The following DCDC1 variants were observed in gnomAD, a reference collection of about 807,000 sequenced individuals.
DCDC1 encodes doublecortin domain containing 1.
Under a neutral mutation model 178.3 loss-of-function variants are expected in DCDC1, and 200 were observed. The ratio of observed to expected loss-of-function variants is 1.12; its 90% CI spans 1.00 to 1.26. The LOEUF (loss-of-function observed/expected upper bound fraction) is 1.26. Ranked by LOEUF, DCDC1 falls within the 50% of genes most tolerant of loss-of-function variation. The pLI, the probability that DCDC1 is intolerant of heterozygous loss-of-function variation, is 0.00. For missense variants in DCDC1, 1,983 were observed against 1,749.2 expected, an observed-to-expected ratio of 1.13 and a Z score of -2.38; for synonymous variants, 690 against 604.8, an observed-to-expected ratio of 1.14 and a Z score of -2.07.
At chr11:30,889,138 C>T (rs746174930) in intron 36 of DCDC1, among the ~76,000 whole-genome samples, 6 of 152,170 alleles carry the variant, frequency 3.9e-5, no homozygotes, top group Non-Finnish European at 7.4e-5. Context: ...AGAAGACAAA[C>T]GCTTCAGGAC....
intron 9 of DCDC1, among the ~76,000 whole-genome samples, chr11:31,139,169 T>G (rs1384871245): frequency 6.6e-6 from 1 of 151,902 alleles, no homozygotes; most frequent in African/African-American, 2.4e-5. Context: ...AATGGCAGAG[T>G]CATGTATATA....
chr11:30,980,310 G>A (rs1379219351), intron 20 of DCDC1, among the ~76,000 whole-genome samples: 1 of 152,216 alleles, frequency 6.6e-6, no homozygotes, highest in Non-Finnish European at 1.5e-5. Context: ...TGAAACCAAA[G>A]GGAGTGCCCA....
At chr11:30,995,611 T>G (rs540391542) in intron 20 of DCDC1, among the ~76,000 whole-genome samples, 1 of 152,180 alleles carries the variant, frequency 6.6e-6, no homozygotes, top group African/African-American at 2.4e-5. Context: ...CACAGAAACA[T>G]AGTCAACTGA....
intron 20 of DCDC1, among the ~76,000 whole-genome samples, chr11:31,047,181 CA>C (rs969697699): frequency 6.7e-6 from 1 of 149,818 alleles, no homozygotes; most frequent in Admixed American, 6.6e-5. Context: ...TTTATAAAAG[CA>C]AAAAAAAATT....
intron 17 of DCDC1, among the ~76,000 whole-genome samples, chr11:31,082,044 A>T (rs1463387393): frequency 6.6e-6 from 1 of 152,228 alleles, no homozygotes; most frequent in East Asian, 1.9e-4. Flanking sequence ...AGAGAATGAT[A>T]TCATAGACTC....
In DCDC1 at chr11:30,934,587, G is replaced by A. The variant is rs1025807730; in HGVS notation, c.2716-2635C>T. Among the ~76,000 whole-genome samples the A allele has an allele frequency of 7.2e-5, 11 of 152,174 alleles. No individual in the cohort carries two copies. The South Asian group carries it at 1.7e-3, about 23-fold the overall frequency. On this transcript the variant is annotated intron_variant, in intron 21 of 38. Transcript: ENST00000684477. ...GTTCATATTCCCTACAGAGAATGAA[G>A]GGATTGCTCTGGGATCCGACCTCTG... is the stretch of plus-strand genomic sequence containing the variant.
intron 20 of DCDC1, among the ~76,000 whole-genome samples, chr11:31,030,566 A>G (rs899127458): frequency 2.0e-5 from 3 of 152,156 alleles, no homozygotes; most frequent in Non-Finnish European, 2.9e-5. Flanking sequence ...AATGCCACTG[A>G]GCATGGTACA....
At chr11:31,068,480 T>A (rs1235981547) in intron 18 of DCDC1, among the ~76,000 whole-genome samples, 1 of 152,146 alleles carries the variant, frequency 6.6e-6, no homozygotes, top group Non-Finnish European at 1.5e-5. Context: ...ATAGCATAGA[T>A]GTGGATGTCA....
chr11:31,165,392 G>A (rs538671371), intron 9 of DCDC1, among the ~76,000 whole-genome samples: 2 of 151,970 alleles, frequency 1.3e-5, no homozygotes, highest in Non-Finnish European at 2.9e-5. Flanking sequence ...GTGCAGTGGC[G>A]TGATCACAGC....
At chr11:30,866,272 C>A (rs561074543) in intron 38 of DCDC1, among the ~76,000 whole-genome samples, 2 of 152,086 alleles carry the variant, frequency 1.3e-5, no homozygotes, top group African/African-American at 4.8e-5. Flanking sequence ...AGAAAAAATA[C>A]AAATTTATTT....
At chr11:31,341,812 T>TACACAC (rs34730979) in intron 1 of DCDC1, among the ~76,000 whole-genome samples, 33,381 of 144,314 alleles carry the variant, frequency 0.23, 3,967 homozygotes, top group African/African-American at 0.27. Flanking sequence ...TGCATGACTA[T>TACACAC]ACACACACAC....
intron 7 of DCDC1, among the ~76,000 whole-genome samples, chr11:31,279,818 T>C (rs933724867): frequency 4.6e-5 from 7 of 152,070 alleles, no homozygotes; most frequent in Non-Finnish European, 1.0e-4. Flanking sequence ...CAAACCACCA[T>C]GGCACGTGTA....
chr11:30,979,866 C>T (rs925954106), intron 20 of DCDC1, among the ~76,000 whole-genome samples: 1 of 152,134 alleles, frequency 6.6e-6, no homozygotes, highest in African/African-American at 2.4e-5. Flanking sequence ...GTGAGATGAT[C>T]TTCTCTCTGT....
chr11:31,104,680 T>C (rs935099951), intron 13 of DCDC1, among the ~76,000 whole-genome samples: 3 of 152,062 alleles, frequency 2.0e-5, no homozygotes, highest in African/African-American at 7.2e-5. Context: ...GTGTTAGATA[T>C]TATAATGTGG....
intron 36 of DCDC1, among the ~76,000 whole-genome samples, chr11:30,884,781 A>T (rs1221048998): frequency 6.6e-6 from 1 of 152,038 alleles, no homozygotes; most frequent in African/African-American, 2.4e-5. Flanking sequence ...AAATAAGCAT[A>T]TTTTAGTATA....
intron 20 of DCDC1, among the ~76,000 whole-genome samples, chr11:31,042,246 GAGGAGAGAGGATTGT>G (rs1162861022): frequency 6.6e-6 from 1 of 152,190 alleles, no homozygotes; most frequent in Admixed American, 6.5e-5. Flanking sequence ...CCTGCAATTT[GAGGAGAGAGGATTGT>G]ATCAATAATT....
rs113653402 is a variant in DCDC1, at chr11:31,145,627, A to C, written c.1222-7843T>G. On this transcript the variant is annotated intron_variant, in intron 9 of 38. Coordinates refer to ENST00000684477, the MANE Select transcript of DCDC1 (RefSeq NM_001387274.1). The stretch of plus-strand genomic sequence containing the variant: ...GTGGTTCTTCTCTTTGGGTAGAGTA[A>C]TGAGAAATTTGAATGAGGAAAAGTA... 8.3e-3 allele frequency among the ~76,000 whole-genome samples: 1,259 copies of C among 152,338 alleles called. 22 individuals are homozygous for C. Among genetic ancestry groups the C allele is most frequent in the African/African-American group, 0.029 (1,205 of 41,574 alleles).
intron 9 of DCDC1, among the ~76,000 whole-genome samples, chr11:31,221,528 A>G (rs1247604624): frequency 6.6e-6 from 1 of 152,060 alleles, no homozygotes; most frequent in African/African-American, 2.4e-5. Context: ...CCCCATCCAC[A>G]TGGTTCTGGT....
chr11:30,943,662 T>C, intron 21 of DCDC1: 1 of 453,544 alleles, frequency 2.2e-6, no homozygotes, highest in South Asian at 1.6e-5. Flanking sequence ...TTCCTCTAAT[T>C]TTTTCCAGTG....
Sources: allele counts gnomAD v4.1 joint callset (sites outside exome capture counted in the v4.1 genomes callset), GRCh38; gene constraint gnomAD v4.1.1; transcripts MANE v1.5; gene names NCBI Gene and HGNC (gene_info 2026-07-23, HGNC 2026-07-21).